CFAP44: variants seen among roughly 807,000 people sequenced by gnomAD.
The protein encoded by CFAP44 is cilia and flagella associated protein 44, also known as cilia- and flagella-associated protein 44.
CFAP44 carries 134 observed loss-of-function variants against 216.2 expected under a neutral mutation model. That is an observed-to-expected ratio of 0.62 (90% CI 0.54 to 0.72). The LOEUF (loss-of-function observed/expected upper bound fraction) is 0.72, where lower values mean the gene tolerates loss of function less well. Among genes scored for constraint, CFAP44 ranks in the 30% least tolerant of loss-of-function variants. The pLI is 0.00. For synonymous variants in CFAP44, 700 were observed against 727.6 expected (o/e 0.96, Z 0.61); for missense variants, 2,035 against 2,182.1 (o/e 0.93, Z 1.34).
At chr3:113,400,097 T>C (rs1576590068) in intron 12 of CFAP44, 97 bp from the exon 13 acceptor site, 1 of 777,648 alleles carries the variant, frequency 1.3e-6, no homozygotes, top group Non-Finnish European at 1.9e-6. Context: ...ACAAGAAATT[T>C]CTTAACTAAA....
rs1044457430 is a variant in CFAP44, at chr3:113,419,997, CT to C, written c.570+19del. ...AGATAGGGTTTTTTGGGGTTTTTTT[CT>C]AATTTATTGAAGGCATACCCCAATG... On this transcript the variant is annotated intron_variant, in intron 5 of 34. Coordinates refer to ENST00000393845, the MANE Select transcript of CFAP44 (RefSeq NM_001164496.2). 2 of 1,599,936 alleles carry C rather than the reference CT, an allele frequency of 1.3e-6. No homozygotes were observed. The highest frequency in any genetic ancestry group is 1.7e-6 in the Non-Finnish European group (2 of 1,175,046).
At chr3:113,315,955 A>C (rs1950082771) in intron 28 of CFAP44, among the ~76,000 whole-genome samples, 1 of 152,244 alleles carries the variant, frequency 6.6e-6, no homozygotes, top group African/African-American at 2.4e-5. Flanking sequence ...AGATAGGTTT[A>C]TCAGGACATA....
chr3:113,385,165 A>T (rs565060132), intron 15 of CFAP44, among the ~76,000 whole-genome samples: 2 of 152,298 alleles, frequency 1.3e-5, no homozygotes, highest in African/African-American at 4.8e-5. Flanking sequence ...TTTGTCTTCC[A>T]CCATGATTGT....
At chr3:113,411,709 T>C (rs931944869) in intron 6 of CFAP44, among the ~76,000 whole-genome samples, 30 of 152,326 alleles carry the variant, frequency 2.0e-4, no homozygotes, top group South Asian at 4.1e-4. Flanking sequence ...GGGGATGGCA[T>C]TGAATCTATA....
chr3:113,336,279 C>T (rs892362301), intron 24 of CFAP44, among the ~76,000 whole-genome samples: 5 of 152,054 alleles, frequency 3.3e-5, no homozygotes, highest in South Asian at 2.1e-4. Context: ...TGACCAAAAG[C>T]TAGTTCTTTG....
intron 23 of CFAP44, among the ~76,000 whole-genome samples, chr3:113,343,230 T>C (rs1201851365): frequency 6.6e-6 from 1 of 151,766 alleles, no homozygotes; most frequent in Non-Finnish European, 1.5e-5. Flanking sequence ...CTTAGCTAAT[T>C]ATTGTATTTT....
At position 113,308,165 on chromosome 3, in the gene CFAP44, G is replaced by A; in HGVS notation, c.4620C>T (p.Cys1540=). ...TGGTTTTATCTAACTTACTTGTTGG[G>A]CAAATAGAATCATCAAAAACCTCAT... ...SEDEVFDDSI[C]PTNCDVALFE... Residue 1540 remains cysteine, a synonymous_variant, in exon 29 of 35, where the codon TGC becomes TGT. Transcript: ENST00000393845. 1.3e-6 allele frequency: 2 copies of A among 1,532,118 alleles called. No homozygotes were observed. Among genetic ancestry groups the A allele is most frequent in the Non-Finnish European group, 1.7e-6 (2 of 1,145,344 alleles). The allele number at this position is 1,532,118 out of a possible 1,614,324, so 94.9% of individuals were successfully genotyped here. A position where few individuals can be genotyped will look rare whatever the true frequency, so the allele number is the denominator to read the frequency against.
intron 28 of CFAP44, among the ~76,000 whole-genome samples, chr3:113,318,217 TAA>T (rs899133726): frequency 6.6e-6 from 1 of 152,118 alleles, no homozygotes; most frequent in Non-Finnish European, 1.5e-5. Context: ...ACCAAATTTT[TAA>T]AGTTTTTAAA....
intron 15 of CFAP44, among the ~76,000 whole-genome samples, chr3:113,384,057 C>CT (rs199814107): frequency 1.2e-3 from 179 of 144,218 alleles, no homozygotes; most frequent in Non-Finnish European, 1.2e-3. Context: ...AAATAGTTGA[C>CT]TTTTTTTTTT....
intron 4 of CFAP44, among the ~76,000 whole-genome samples, chr3:113,423,435 TG>T (rs1342850452): frequency 6.6e-6 from 1 of 152,170 alleles, no homozygotes; most frequent in African/African-American, 2.4e-5. Context: ...CTGCTGCGCC[TG>T]GCCTGATCCT....
chr3:113,378,691 T>C (rs1488619527), intron 17 of CFAP44, among the ~76,000 whole-genome samples: 1 of 152,162 alleles, frequency 6.6e-6, no homozygotes, highest in Non-Finnish European at 1.5e-5. Context: ...TAGTAAAAAA[T>C]GTATAATTGG....
Position 113,363,192 on chromosome 3 carries a change from A to G in CFAP44, c.2887T>C (p.Leu963=), listed in dbSNP as rs370484707. 2 of 1,612,700 alleles carry G rather than the reference A, an allele frequency of 1.2e-6. No homozygotes were observed. The highest frequency in any genetic ancestry group is 1.7e-6 in the Non-Finnish European group (2 of 1,179,592). Residue 963 remains leucine, a synonymous_variant, in exon 21 of 35, where the codon TTA becomes CTA. Coordinates refer to ENST00000393845, the MANE Select transcript of CFAP44 (RefSeq NM_001164496.2). ...TTTGGTAATTTTTCATTCATTTCTA[A>G]TAGATTACAAAATTCACTCCTCAAA... is the stretch of plus-strand genomic sequence containing the variant. The part of the protein sequence containing the change: ...KALRSEFCNL[L]EMNEKLPKHM...
chr3:113,385,179 G>C (rs926108272), intron 15 of CFAP44, among the ~76,000 whole-genome samples: 1 of 152,118 alleles, frequency 6.6e-6, no homozygotes, highest in African/African-American at 2.4e-5. Context: ...TGATTGTGAG[G>C]CCTCCCCAGC....
intron 4 of CFAP44, among the ~76,000 whole-genome samples, chr3:113,420,989 A>C (rs1466801885): frequency 6.6e-6 from 1 of 152,068 alleles, no homozygotes. Flanking sequence ...CTAATTCAAA[A>C]TAGAGTGGGA....
chr3:113,306,367 T>C, intron 29 of CFAP44, 36 bp from the exon 30 acceptor site: 1 of 1,528,702 alleles, frequency 6.5e-7, no homozygotes. Context: ...CAGCCTCATT[T>C]GTTATGGAAT....
chr3:113,349,752 T>TA (rs974248618), intron 22 of CFAP44, among the ~76,000 whole-genome samples: 3 of 152,138 alleles, frequency 2.0e-5, no homozygotes, highest in Non-Finnish European at 4.4e-5. Flanking sequence ...GAGCCCCAGG[T>TA]ATGTTTAACC....
chr3:113,320,452 T>TA (rs1481903315), intron 28 of CFAP44, among the ~76,000 whole-genome samples: 262 of 112,530 alleles, frequency 2.3e-3, no homozygotes, highest in Non-Finnish European at 4.6e-3. Flanking sequence ...ATGATATATA[T>TA]TACATCTATA....
In CFAP44 at chr3:113,427,007, A is replaced by G; in HGVS notation, c.253+180T>C. ...GTACTCTATGTGATCCTCAGAAATAAAAACCACAAGTCTAGGGCTGCTAAA... is the reference window on the plus strand; with the variant it reads ...GTACTCTATGTGATCCTCAGAAATAGAAACCACAAGTCTAGGGCTGCTAAA... On this transcript the variant is annotated intron_variant, in intron 3 of 34. Coordinates refer to ENST00000393845, the MANE Select transcript of CFAP44 (RefSeq NM_001164496.2). The G allele has an allele frequency of 4.9e-6, 3 of 617,642 alleles. No individual in the cohort carries two copies. The South Asian group carries it at 6.8e-5, about 14-fold the overall frequency. 38.3% of individuals were successfully genotyped at this position (617,642 alleles called of 1,614,324 possible). A position where few individuals can be genotyped will look rare whatever the true frequency, so the allele number is the denominator to read the frequency against.
chr3:113,319,503 C>G (rs765406691), intron 28 of CFAP44, among the ~76,000 whole-genome samples: 1 of 152,044 alleles, frequency 6.6e-6, no homozygotes, highest in African/African-American at 2.4e-5. Flanking sequence ...CCTCAACATC[C>G]CACTGACAGC....
Sources: allele counts gnomAD v4.1 joint callset (sites outside exome capture counted in the v4.1 genomes callset), GRCh38; gene constraint gnomAD v4.1.1; transcripts MANE v1.5; gene names NCBI Gene and HGNC (gene_info 2026-07-23, HGNC 2026-07-21).